Variants in MLLT10 observed in about 807,000 individuals in gnomAD.
MLLT10 encodes MLLT10 histone lysine methyltransferase DOT1L cofactor, also known as protein AF-10.
In MLLT10, 30 loss-of-function variants were observed where a neutral mutation model predicts 129.1. The observed-to-expected ratio is 0.23, with a 90% CI of 0.17 to 0.32. The LOEUF is 0.32. Among genes scored for constraint, MLLT10 ranks in the 10% least tolerant of loss-of-function variants. The probability of loss-of-function intolerance (pLI) is 1.00; values close to 1 mark genes in which losing one functional copy is unlikely to be tolerated. For synonymous variants in MLLT10, 490 were observed against 446.4 expected, an observed-to-expected ratio of 1.10 and a Z score of -1.23; for missense variants, 1,119 against 1,268.3, an observed-to-expected ratio of 0.88 and a Z score of 1.79.
chr10:21,618,486 C>T (rs754146998), intron 8 of MLLT10, among the ~76,000 whole-genome samples: 5 of 151,730 alleles, frequency 3.3e-5, no homozygotes, highest in African/African-American at 4.8e-5. Context: ...GCCTGGGCGA[C>T]GGAGCGATAC....
At chr10:21,603,437 C>G (rs2043754730) in intron 5 of MLLT10, among the ~76,000 whole-genome samples, 1 of 152,102 alleles carries the variant, frequency 6.6e-6, no homozygotes, top group Non-Finnish European at 1.5e-5. Flanking sequence ...TCAAATGTTT[C>G]CTAATTTGTC....
chr10:21,649,947 C>T (rs2048859179), intron 8 of MLLT10, among the ~76,000 whole-genome samples: 1 of 152,082 alleles, frequency 6.6e-6, no homozygotes, highest in Admixed American at 6.6e-5. Context: ...TTATCTGCCA[C>T]AATCAAAATA....
At chr10:21,717,482 T>TTCC (rs766780330) in intron 14 of MLLT10, among the ~76,000 whole-genome samples, 2,552 of 115,142 alleles carry the variant, frequency 0.022, 132 homozygotes, top group African/African-American at 0.074. Flanking sequence ...TATTCTTATA[T>TTCC]TCCTCCTCCT....
chr10:21,589,545 A>G (rs2042301140), intron 4 of MLLT10, among the ~76,000 whole-genome samples: 1 of 152,102 alleles, frequency 6.6e-6, no homozygotes. Flanking sequence ...CACTTGTTCC[A>G]TTCTACCCTA....
intron 8 of MLLT10, among the ~76,000 whole-genome samples, chr10:21,649,402 C>T (rs2048809317): frequency 6.6e-6 from 1 of 152,152 alleles, no homozygotes; most frequent in South Asian, 2.1e-4. Context: ...TTTGTGCTTT[C>T]TTTAGCTCCC....
chr10:21,743,075 GACAGCCCTTCC>G lies in MLLT10; in HGVS notation c.*1095_*1105del, dbSNP rs1234057556. On this transcript the variant is annotated 3_prime_UTR_variant, in exon 23 of 23. Transcript: ENST00000307729. ...TTCCTGAAACAGGTGAAACCTGTAT[GACAGCCCTTCC>G]ACTTTGGGGAGCCACGCTTTTGATG... 4.3e-6 allele frequency: 1 copy of G among 230,526 alleles called. No individual in the cohort carries two copies. Among genetic ancestry groups the G allele is most frequent in the Non-Finnish European group, 8.6e-6 (1 of 116,356 alleles). The allele number at this position is 230,526 out of a possible 1,614,324, so 14.3% of individuals were successfully genotyped here.
intron 4 of MLLT10, among the ~76,000 whole-genome samples, chr10:21,588,579 T>C (rs2042215610): frequency 6.6e-6 from 1 of 151,972 alleles, no homozygotes; most frequent in Non-Finnish European, 1.5e-5. Context: ...TGCCGTTAAT[T>C]TTGATAGATA....
At chr10:21,608,208 G>A (rs1203505011) in intron 5 of MLLT10, among the ~76,000 whole-genome samples, 2 of 149,514 alleles carry the variant, frequency 1.3e-5, no homozygotes, top group Non-Finnish European at 3.0e-5. Context: ...TTGCTCAGTT[G>A]CCCATGCTGG....
At chr10:21,633,047 T>C (rs1281726838) in intron 8 of MLLT10, among the ~76,000 whole-genome samples, 1 of 152,216 alleles carries the variant, frequency 6.6e-6, no homozygotes, top group Non-Finnish European at 1.5e-5. Flanking sequence ...ATATGATTGT[T>C]CATCACTATG....
In MLLT10 at chr10:21,612,344, C is replaced by T. The variant is rs2131194312; in HGVS notation, c.406-4C>T. 1 of 1,579,740 alleles carries T rather than the reference C, an allele frequency of 6.3e-7. No homozygotes were observed. Among genetic ancestry groups the T allele is most frequent in the African/African-American group, 1.4e-5 (1 of 73,210 alleles). ...TTTTTGTCTTTTTTTTTTTTAACCC[C>T]AAGACTTGCTACATTTGTGATGAAC... On this transcript the variant is annotated splice_polypyrimidine_tract_variant and splice_region_variant and intron_variant, in intron 5 of 22. Transcript: ENST00000307729.
chr10:21,715,463 G>A (rs1254342731), intron 14 of MLLT10, among the ~76,000 whole-genome samples: 1 of 152,116 alleles, frequency 6.6e-6, no homozygotes, highest in Non-Finnish European at 1.5e-5. Flanking sequence ...GAGGGTGAAA[G>A]GATAAATGAA....
At chr10:21,726,765 C>T (rs1402315226) in intron 15 of MLLT10, among the ~76,000 whole-genome samples, 1 of 139,014 alleles carries the variant, frequency 7.2e-6, no homozygotes, top group African/African-American at 2.7e-5. Flanking sequence ...GCAGCAGTGT[C>T]TCCTGTGACT....
intron 3 of MLLT10, among the ~76,000 whole-genome samples, chr10:21,582,921 C>G (rs1270626813): frequency 6.6e-6 from 1 of 152,174 alleles, no homozygotes. Flanking sequence ...GTAATCCTAG[C>G]ACTTTAGGAG....
At chr10:21,540,706 A>G (rs1199381924) in intron 3 of MLLT10, among the ~76,000 whole-genome samples, 1 of 152,118 alleles carries the variant, frequency 6.6e-6, no homozygotes, top group Non-Finnish European at 1.5e-5. Flanking sequence ...ATATTTATTG[A>G]TTTATTATTT....
intron 8 of MLLT10, among the ~76,000 whole-genome samples, chr10:21,633,727 T>C (rs979796703): frequency 6.6e-6 from 1 of 152,200 alleles, no homozygotes; most frequent in Non-Finnish European, 1.5e-5. Context: ...AATTAGTTTT[T>C]CACATTGTGA....
At chr10:21,581,549 C>G (rs1195996992) in intron 3 of MLLT10, among the ~76,000 whole-genome samples, 1 of 151,404 alleles carries the variant, frequency 6.6e-6, no homozygotes, top group Non-Finnish European at 1.5e-5. Flanking sequence ...CTGTGTATCC[C>G]CACTGAAATC....
Position 21,672,429 on chromosome 10 carries a change from C to T in MLLT10, c.1052-921C>T, listed in dbSNP as rs557687920. ...TTTTTGTAGAGACGGGTTCAGCCTCCTGAGTAGCTGGGATTAGAGGCACAC... is the reference window on the plus strand; with the variant it reads ...TTTTTGTAGAGACGGGTTCAGCCTCTTGAGTAGCTGGGATTAGAGGCACAC... On this transcript the variant is annotated intron_variant, in intron 10 of 22. Transcript: ENST00000307729. Among the ~76,000 whole-genome samples, 80 of 152,140 alleles carry T rather than the reference C, an allele frequency of 5.3e-4. 1 individual carries two copies. Among genetic ancestry groups the T allele is most frequent in the African/African-American group, 1.9e-3 (77 of 41,512 alleles).
intron 7 of MLLT10, 23 bp from the exon 8 acceptor site, chr10:21,617,089 T>G (rs1359964904): frequency 2.5e-6 from 3 of 1,198,406 alleles, no homozygotes; most frequent in Non-Finnish European, 3.4e-6. Flanking sequence ...TATACATATA[T>G]GTATATATAT....
intron 10 of MLLT10, 32 bp from the exon 11 acceptor site, chr10:21,673,318 C>CATTTT: frequency 3.3e-6 from 1 of 307,342 alleles, no homozygotes; most frequent in Non-Finnish European, 5.0e-6. Flanking sequence ...CACCCCCCAA[C>CATTTT]TTTTTTTTTT....
Sources: gnomAD v4.1 joint callset for allele counts (sites outside exome capture counted in the v4.1 genomes callset) on GRCh38, gnomAD v4.1.1 for gene constraint, MANE v1.5 for transcripts, NCBI Gene and HGNC (gene_info 2026-07-23, HGNC 2026-07-21) for gene names.